The following RPS6KA1 variants were observed in gnomAD, a reference collection of about 807,000 sequenced individuals.
The protein encoded by RPS6KA1 is ribosomal protein S6 kinase alpha-1.
In RPS6KA1, 48 loss-of-function variants were observed where a neutral mutation model predicts 91.3. The observed-to-expected ratio is 0.53, with a 90% CI of 0.42 to 0.67. The LOEUF (loss-of-function observed/expected upper bound fraction) is 0.67. Among genes scored for constraint, RPS6KA1 ranks in the 30% least tolerant of loss-of-function variants. The pLI, the probability that RPS6KA1 is intolerant of heterozygous loss-of-function variation, is 0.00. For synonymous variants in RPS6KA1, 359 were observed against 384.7 expected (o/e 0.93, Z 0.78); for missense variants, 719 against 960.5 (o/e 0.75, Z 3.32).
Position 26,536,954 on chromosome 1 carries a change from A to T in RPS6KA1, c.93A>T (p.Gly31=). ...ENGQTSGEEA[G]LQPSKDEGVL... is the part of the protein sequence containing the mutation. ...GACAGACCTCAGGGGAAGAAGCTGG[A>T]CTTCAGCCGTCCAAGGTGAGGACCA... Residue 31 remains glycine (G), a synonymous_variant, in exon 2 of 22, where the codon GGA becomes GGT. Transcript: ENST00000374168. The T allele has an allele frequency of 6.2e-7, 1 of 1,614,110 alleles. No homozygotes were observed. The highest frequency in any genetic ancestry group is 8.5e-7 in the Non-Finnish European group (1 of 1,180,000).
chr1:26,563,126 AC>A (rs2076169040), intron 17 of RPS6KA1, among the ~76,000 whole-genome samples: 1 of 151,872 alleles, frequency 6.6e-6, no homozygotes, highest in Non-Finnish European at 1.5e-5. Flanking sequence ...GGTGTGAGCC[AC>A]CACACCCGGC....
chr1:26,539,155 A>C (rs1260604021), intron 2 of RPS6KA1, among the ~76,000 whole-genome samples: 1 of 152,226 alleles, frequency 6.6e-6, no homozygotes, highest in African/African-American at 2.4e-5. Flanking sequence ...GCAGAGACGT[A>C]TACCACCACC....
chr1:26,555,607 A>G lies in RPS6KA1; in HGVS notation c.898A>G (p.Asn300Asp), dbSNP rs1347711226. Residue 300 changes from asparagine to aspartate, a missense_variant, in exon 11 of 22, where the codon AAT (asparagine) becomes GAT (aspartate). Transcript: ENST00000374168. The surrounding 1 kb of genome is among the most constrained non-coding windows in gnomAD (Gnocchi z 4.3). Reference sequence around the variant, plus strand: ...CCTCTTGCGGGCCCTGTTCAAGCGGAATCCTGCCAACCGGCTCGGTAAGCA... The same window carrying G: ...CCTCTTGCGGGCCCTGTTCAAGCGGGATCCTGCCAACCGGCTCGGTAAGCA... ...QSLLRALFKR[N>D]PANRLGSGPD... 1.3e-6 allele frequency: 2 copies of G among 1,599,626 alleles called. No homozygotes were observed. Among genetic ancestry groups the G allele is most frequent in the Non-Finnish European group, 1.7e-6 (2 of 1,172,316 alleles).
intron 17 of RPS6KA1, among the ~76,000 whole-genome samples, chr1:26,562,825 C>CTTTTTTTTTTT (rs748764001): frequency 8.6e-5 from 7 of 81,444 alleles, no homozygotes; most frequent in African/African-American, 2.5e-4. Context: ...TCCTATTGTC[C>CTTTTTTTTTTT]TTTTTTTTTT....
At position 26,555,177 on chromosome 1, in the gene RPS6KA1, C is replaced by T; in HGVS notation, c.783C>T (p.Pro261=). ...LMFEMLTGSL[P]FQGKDRKETM... The stretch of plus-strand genomic sequence containing the variant: ...TTGAGATGCTGACGGGCTCCCTGCC[C>T]TTCCAGGGGAAGGACCGGAAGGAGA... Residue 261 remains proline, a synonymous_variant, in exon 10 of 22, where the codon CCC becomes CCT. Coordinates refer to ENST00000374168, the MANE Select transcript of RPS6KA1 (RefSeq NM_002953.4). The surrounding 1 kb of genome is among the most constrained non-coding windows in gnomAD (Gnocchi z 4.3). The T allele has an allele frequency of 2.5e-6, 4 of 1,614,140 alleles. No homozygotes were observed. The highest frequency in any genetic ancestry group is 3.4e-6 in the Non-Finnish European group (4 of 1,179,994).
rs1337114546 is a variant in RPS6KA1 at position 26,552,635 on chromosome 1, C to T, written c.469-756C>T. On this transcript the variant is annotated intron_variant, in intron 6 of 21. Transcript: ENST00000374168. ...CCGAGTAGCTGGGATGACAGGTGCA[C>T]GCCACCACGCCTGGTTAATTTTTGT... Among the ~76,000 whole-genome samples, 12 of 151,100 alleles carry T rather than the reference C, an allele frequency of 7.9e-5. No homozygotes were observed. In the South Asian group the frequency reaches 2.1e-3, roughly 26 times the overall value.
Position 26,551,326 on chromosome 1 carries a change from C to T in RPS6KA1, c.308-71C>T, listed in dbSNP as rs1161077661. 1.3e-5 allele frequency: 18 copies of T among 1,370,450 alleles called. No individual in the cohort carries two copies. Among genetic ancestry groups the T allele is most frequent in the Non-Finnish European group, 1.6e-5 (15 of 962,272 alleles). The allele number at this position is 1,370,450 out of a possible 1,614,324, so 84.9% of individuals were successfully genotyped here. On this transcript the variant is annotated intron_variant, in intron 4 of 21. Coordinates refer to ENST00000374168, the MANE Select transcript of RPS6KA1 (RefSeq NM_002953.4). The surrounding 1 kb of genome is among the most constrained non-coding windows in gnomAD (Gnocchi z 4.5). ...GGAGGAACAAGTGGAAAAGAGATCC[C>T]TTAGCGGGGGCTTGGGAGTGGCTGT... is the stretch of plus-strand genomic sequence containing the variant.
chr1:26,536,577 T>C (rs1312874104), intron 1 of RPS6KA1, among the ~76,000 whole-genome samples: 1 of 152,204 alleles, frequency 6.6e-6, no homozygotes. Flanking sequence ...AAGGTTTGTA[T>C]CTGGTAGAGC....
At chr1:26,543,395 G>C (rs2075964237) in intron 2 of RPS6KA1, among the ~76,000 whole-genome samples, 1 of 152,232 alleles carries the variant, frequency 6.6e-6, no homozygotes, top group Admixed American at 6.5e-5. Flanking sequence ...TCTCAGGGTG[G>C]GGTGTGCAGG....
Position 26,553,434 on chromosome 1 carries a change from TG to T in RPS6KA1, c.514del (p.Ala172LeufsTer37). Reference protein sequence around the residue: ...EEDVKFYLAELALGLDHLHSL... With the variant: ...EEDVKFYLAEXALGLDHLHSL... ...GATGTGAAGTTTTACCTGGCTGAGC[TG>T]GCTCTGGGCCTGGATCACCTGCACA... is the stretch of plus-strand genomic sequence containing the variant. On this transcript the variant is annotated frameshift_variant, in exon 7 of 22. Transcript: ENST00000374168. LOFTEE classifies it high-confidence loss of function. 1.2e-6 allele frequency: 2 copies of T among 1,613,412 alleles called. No homozygotes were observed. The highest frequency in any genetic ancestry group is 1.7e-6 in the Non-Finnish European group (2 of 1,179,580).
At chr1:26,567,234 C>G (rs951200554) in intron 17 of RPS6KA1, among the ~76,000 whole-genome samples, 5 of 152,036 alleles carry the variant, frequency 3.3e-5, no homozygotes, top group Non-Finnish European at 7.4e-5. Context: ...CCATGTTGCC[C>G]AGGCTGGCCT....
At chr1:26,556,591 G>A (rs904696173) in intron 11 of RPS6KA1, 63 bp from the exon 12 acceptor site, 22 of 1,563,702 alleles carry the variant, frequency 1.4e-5, no homozygotes, top group Non-Finnish European at 1.9e-5. Flanking sequence ...GCTGCTTGGT[G>A]GGCAGGGTAA....
intron 2 of RPS6KA1, among the ~76,000 whole-genome samples, chr1:26,544,753 CG>C (rs2124625250): frequency 6.6e-6 from 1 of 151,078 alleles, no homozygotes; most frequent in African/African-American, 2.4e-5. Context: ...GGATTACAGG[CG>C]TGAGCCACCA....
chr1:26,554,104 T>G lies in RPS6KA1; in HGVS notation c.576-110T>G, dbSNP rs2076077225. On this transcript the variant is annotated intron_variant, in intron 7 of 21. Coordinates refer to ENST00000374168, the MANE Select transcript of RPS6KA1 (RefSeq NM_002953.4). The surrounding 1 kb of genome is among the most constrained non-coding windows in gnomAD (Gnocchi z 4.6). ...ACACCCGCCCAGTCATCAGAGAGAA[T>G]TGGGTGGAGCACCTCCTCTGGGCTG... 1.8e-6 allele frequency: 2 copies of G among 1,123,034 alleles called. No homozygotes were observed. The highest frequency in any genetic ancestry group is 1.6e-5 in the South Asian group (1 of 63,694). The allele number at this position is 1,123,034 out of a possible 1,614,324, so 69.6% of individuals were successfully genotyped here. A position where few individuals can be genotyped will look rare whatever the true frequency, so the allele number is the denominator to read the frequency against.
chr1:26,552,756 G>C, intron 6 of RPS6KA1: 1 of 295,510 alleles, frequency 3.4e-6, no homozygotes, highest in South Asian at 2.7e-5. Context: ...CAAACTGCTG[G>C]CTGGGATTAT....
intron 17 of RPS6KA1, among the ~76,000 whole-genome samples, chr1:26,568,755 A>G (rs1207207927): frequency 2.6e-5 from 4 of 152,128 alleles, no homozygotes; most frequent in Non-Finnish European, 1.5e-5. Context: ...CATCTCAGAA[A>G]AATAAATTAA....
chr1:26,559,533 ATTT>A (rs1427275066), intron 14 of RPS6KA1, among the ~76,000 whole-genome samples: 1 of 137,350 alleles, frequency 7.3e-6, no homozygotes. Flanking sequence ...CACCCAGCTA[ATTT>A]TTTTTTTTTT....
At chr1:26,573,387 C>T in intron 21 of RPS6KA1, 26 bp downstream of exon 21, 1 of 1,613,618 alleles carries the variant, frequency 6.2e-7, no homozygotes, top group South Asian at 1.1e-5. Flanking sequence ...GGCTGCTGGG[C>T]ATCTGGGGGG....
intron 20 of RPS6KA1, among the ~76,000 whole-genome samples, chr1:26,572,742 A>G (rs927259643): frequency 6.6e-6 from 1 of 152,154 alleles, no homozygotes; most frequent in East Asian, 1.9e-4. Flanking sequence ...TATTAGCAAC[A>G]GTTTTTGGTC....
Sources: gnomAD v4.1 joint callset for allele counts (sites outside exome capture counted in the v4.1 genomes callset) on GRCh38, gnomAD v4.1.1 for gene constraint, Gnocchi (gnomAD v3.1) non-coding constraint, MANE v1.5 for transcripts, NCBI Gene and HGNC (gene_info 2026-07-23, HGNC 2026-07-21) for gene names.